ATP2C2: variants seen among roughly 807,000 people sequenced by gnomAD.
ATP2C2 encodes calcium-transporting ATPase type 2C member 2.
In ATP2C2, 171 loss-of-function variants were observed where a neutral mutation model predicts 110.8. The ratio of observed to expected loss-of-function variants is 1.54; its 90% CI spans 1.36 to 1.75. ATP2C2 has a LOEUF of 1.75. ATP2C2 is among the 40% of genes most tolerant of loss of function. ATP2C2 has a pLI of 0.00. For missense variants in ATP2C2, 1,963 were observed against 1,235.0 expected (o/e 1.59, Z -8.84); for synonymous variants, 804 against 508.4 (o/e 1.58, Z -7.82).
At chr16:84,379,435 G>A (rs180864990) in intron 1 of ATP2C2, among the ~76,000 whole-genome samples, 1 of 152,306 alleles carries the variant, frequency 6.6e-6, no homozygotes, top group East Asian at 1.9e-4. Flanking sequence ...CAAAGTGTTG[G>A]GATTACAGGC....
Position 84,408,404 on chromosome 16 carries a change from G to A in ATP2C2, c.328-1G>A, listed in dbSNP as rs1172265292. 1 of 1,613,764 alleles carries A rather than the reference G, an allele frequency of 6.2e-7. No individual in the cohort carries two copies. The highest frequency in any genetic ancestry group is 1.7e-5 in the Admixed American group (1 of 60,014). On this transcript the variant is annotated splice_acceptor_variant, in intron 3 of 26. Coordinates refer to ENST00000262429, the MANE Select transcript of ATP2C2 (RefSeq NM_014861.4). LOFTEE classifies it high-confidence loss of function. ...GCCCCACCCTGTTATTTCCTCTTCAGTTTAAGAACCCCCTGATCCTGCTGC... is the reference window on the plus strand; with the variant it reads ...GCCCCACCCTGTTATTTCCTCTTCAATTTAAGAACCCCCTGATCCTGCTGC...
rs912579370 is a variant in ATP2C2 at position 84,459,843 on chromosome 16, T to C, written c.2333+457T>C. ...AACATCAGTTTCATGGAGGCGGAGT[T>C]TGTGTTTCATCCCTGATGTCTAGAG... On this transcript the variant is annotated intron_variant, in intron 23 of 26. Coordinates refer to ENST00000262429, the MANE Select transcript of ATP2C2 (RefSeq NM_014861.4). The C allele has an allele frequency of 7.2e-6, 3 of 417,650 alleles. No individual in the cohort carries two copies. In the Admixed American group the frequency reaches 1.1e-4, roughly 15 times the overall value. The allele number at this position is 417,650 out of a possible 1,614,324, so 25.9% of individuals were successfully genotyped here.
Position 84,415,566 on chromosome 16 carries a change from TC to T in ATP2C2, c.602del (p.Pro201LeufsTer33). ...GTATCTCTCTCGATCGGAGACCGGA[TC>T]CCTGCAGACATCCGACTCACTGAGG... ...DVVSLSIGDRIPADIRLTEVT... is the reference protein window; with the variant it reads ...DVVSLSIGDRXPADIRLTEVT... On this transcript the variant is annotated frameshift_variant, in exon 7 of 27. Coordinates refer to ENST00000262429, the MANE Select transcript of ATP2C2 (RefSeq NM_014861.4). LOFTEE classifies it high-confidence loss of function. The T allele has an allele frequency of 6.2e-7, 1 of 1,613,986 alleles. No homozygotes were observed. The highest frequency in any genetic ancestry group is 1.3e-5 in the African/African-American group (1 of 75,034).
intron 13 of ATP2C2, among the ~76,000 whole-genome samples, chr16:84,440,379 G>A (rs4782626): frequency 0.42 from 63,389 of 152,150 alleles, 13,614 homozygotes; most frequent in East Asian, 0.59. Flanking sequence ...GGGTGAACAG[G>A]TGATGGTCCA....
At position 84,388,433 on chromosome 16, in the gene ATP2C2, G is replaced by A. The variant is rs558937554; in HGVS notation, c.100-10066G>A. Among the ~76,000 whole-genome samples the A allele has an allele frequency of 6.6e-5, 10 of 152,368 alleles. No homozygotes were observed. In the East Asian group the frequency reaches 1.9e-3, roughly 29 times the overall value. On this transcript the variant is annotated intron_variant, in intron 1 of 26. Coordinates refer to ENST00000262429, the MANE Select transcript of ATP2C2 (RefSeq NM_014861.4). ...TCTGCCCACCCCTAGGGCTTCTGAG[G>A]TAGTAGGCCCAGGGTAGGGCCTGAG...
intron 11 of ATP2C2, among the ~76,000 whole-genome samples, chr16:84,431,603 C>A: frequency 6.6e-6 from 1 of 151,002 alleles, no homozygotes; most frequent in Non-Finnish European, 1.5e-5. Flanking sequence ...GGTGTTCAGG[C>A]AGGGGGAACA....
rs188302792 is a variant in ATP2C2 at position 84,401,365 on chromosome 16, C to T, written c.210+2756C>T. Among the ~76,000 whole-genome samples the T allele has an allele frequency of 1.1e-3, 167 of 151,880 alleles. 1 individual carries two copies. The highest frequency in any genetic ancestry group is 3.4e-3 in the Middle Eastern group (1 of 294). ...CAGCCTCCTGTAGTAGCTGGGATTA[C>T]AGGCATGCACAACCACATCCAGCTA... On this transcript the variant is annotated intron_variant, in intron 2 of 26. Transcript: ENST00000262429.
chr16:84,460,383 G>A (rs756552570), intron 23 of ATP2C2: 37 of 520,292 alleles, frequency 7.1e-5, no homozygotes, highest in South Asian at 6.6e-4. Flanking sequence ...AGATCATCTG[G>A]GTGTATGGAA....
rs146636020 is a variant in ATP2C2 at position 84,375,188 on chromosome 16, T to C, written c.99+6474T>C. Among the ~76,000 whole-genome samples the C allele has an allele frequency of 2.8e-3, 424 of 152,354 alleles. 3 individuals carry two copies. The highest frequency in any genetic ancestry group is 9.7e-3 in the African/African-American group (404 of 41,578). On this transcript the variant is annotated intron_variant, in intron 1 of 26. Coordinates refer to ENST00000262429, the MANE Select transcript of ATP2C2 (RefSeq NM_014861.4). ...TTCTCACAGACACTGAAACAGATGC[T>C]GTAGAAGCATATGTAATGACACAGT...
intron 11 of ATP2C2, among the ~76,000 whole-genome samples, chr16:84,431,839 T>A (rs942921769): frequency 6.6e-6 from 1 of 152,106 alleles, no homozygotes; most frequent in Admixed American, 6.5e-5. Flanking sequence ...TTGGCCACCC[T>A]TGATTTAGAG....
chr16:84,419,361 C>G (rs907133868), intron 7 of ATP2C2, among the ~76,000 whole-genome samples: 7 of 152,108 alleles, frequency 4.6e-5, no homozygotes, highest in Admixed American at 2.6e-4. Context: ...ACCACTGCTT[C>G]TGTTACATCT....
At chr16:84,408,111 G>A (rs192891169) in intron 3 of ATP2C2, among the ~76,000 whole-genome samples, 13 of 152,290 alleles carry the variant, frequency 8.5e-5, no homozygotes, top group Admixed American at 5.2e-4. Context: ...CGAAAGTCCC[G>A]GCCTGGAGCG....
At chr16:84,443,377 C>G (rs1909446375) in intron 15 of ATP2C2, among the ~76,000 whole-genome samples, 1 of 152,126 alleles carries the variant, frequency 6.6e-6, no homozygotes, top group South Asian at 2.1e-4. Flanking sequence ...GCTCCTTTCC[C>G]CGACCCGCTC....
chr16:84,445,731 G>C (rs1281760881), intron 15 of ATP2C2, among the ~76,000 whole-genome samples: 1 of 152,232 alleles, frequency 6.6e-6, no homozygotes, highest in African/African-American at 2.4e-5. Context: ...TAATATGGTA[G>C]ATACACTGTA....
chr16:84,412,135 T>C (rs1258550882), intron 6 of ATP2C2, among the ~76,000 whole-genome samples: 1 of 152,142 alleles, frequency 6.6e-6, no homozygotes, highest in Non-Finnish European at 1.5e-5. Context: ...TGCCTTACTT[T>C]CCCAAGTAGC....
At chr16:84,396,056 A>C (rs1174703512) in intron 1 of ATP2C2, among the ~76,000 whole-genome samples, 1 of 152,048 alleles carries the variant, frequency 6.6e-6, no homozygotes, top group African/African-American at 2.4e-5. Context: ...CTGTAACTGG[A>C]GTCCTATAGG....
chr16:84,412,258 GTGTGTA>G (rs1906382730), intron 6 of ATP2C2, among the ~76,000 whole-genome samples: 2 of 148,530 alleles, frequency 1.3e-5, no homozygotes, highest in Non-Finnish European at 3.0e-5. Flanking sequence ...TTGTGTATGT[GTGTGTA>G]TGTATGTGTG....
chr16:84,421,868 G>A (rs1337763222), intron 7 of ATP2C2, among the ~76,000 whole-genome samples: 1 of 152,152 alleles, frequency 6.6e-6, no homozygotes, highest in African/African-American at 2.4e-5. Flanking sequence ...CTGCGCACAG[G>A]GCCTGGTGTG....
At chr16:84,391,885 C>T (rs1228650356) in intron 1 of ATP2C2, among the ~76,000 whole-genome samples, 1 of 151,774 alleles carries the variant, frequency 6.6e-6, no homozygotes, top group Non-Finnish European at 1.5e-5. Context: ...CTCCCGTTCC[C>T]TCCCCTCCCT....
Sources: allele counts gnomAD v4.1 joint callset (sites outside exome capture counted in the v4.1 genomes callset), GRCh38; gene constraint gnomAD v4.1.1; transcripts MANE v1.5; gene names NCBI Gene and HGNC (gene_info 2026-07-23, HGNC 2026-07-21).